Variants in APBB1IP observed in about 807,000 individuals in gnomAD.
APBB1IP encodes the protein amyloid beta precursor protein binding family B member 1 interacting protein.
A neutral mutation model predicts 64.9 loss-of-function variants in APBB1IP; 27 were observed. The ratio of observed to expected loss-of-function variants is 0.42; its 90% CI spans 0.31 to 0.57. APBB1IP has a LOEUF of 0.57. Ranked by LOEUF, APBB1IP falls within the 20% of genes least tolerant of loss-of-function variation. The probability of loss-of-function intolerance (pLI) is 0.20; values close to 1 mark genes in which losing one functional copy is unlikely to be tolerated. For missense variants in APBB1IP, 812 were observed against 845.5 expected (o/e 0.96, Z 0.49); for synonymous variants, 392 against 331.0 (o/e 1.18, Z -2.00).
At chr10:26,472,673 A>C (rs570953430) in intron 2 of APBB1IP, among the ~76,000 whole-genome samples, 13 of 152,188 alleles carry the variant, frequency 8.5e-5, no homozygotes, top group Non-Finnish European at 1.8e-4. Context: ...AGTCAAGATC[A>C]CATGTATAAT....
Position 26,496,555 on chromosome 10 carries a change from T to C in APBB1IP, c.160+164T>C, listed in dbSNP as rs899321335. Among the ~76,000 whole-genome samples, 77 of 152,116 alleles carry C rather than the reference T, an allele frequency of 5.1e-4. 1 individual carries two copies. Among genetic ancestry groups the C allele is most frequent in the Admixed American group, 4.8e-3 (73 of 15,268 alleles). ...TGGGTTTTACTGTGTCTAGATTGAA[T>C]TGAGAGAGTCAAGAAGACATTTTCA... On this transcript the variant is annotated intron_variant, in intron 4 of 14. Transcript: ENST00000376236.
chr10:26,492,510 A>T, intron 3 of APBB1IP, 112 bp downstream of exon 3: 5 of 896,378 alleles, frequency 5.6e-6, no homozygotes, highest in Non-Finnish European at 8.7e-6. Flanking sequence ...CGGGGGAACC[A>T]GCCCCCGATA....
At chr10:26,446,895 G>GATAGATAGATAGAA (rs1564346891) in intron 2 of APBB1IP, among the ~76,000 whole-genome samples, 1 of 93,902 alleles carries the variant, frequency 1.1e-5, no homozygotes, top group Non-Finnish European at 2.0e-5. Flanking sequence ...GATAGAAATA[G>GATAGATAGATAGAA]ATAGATATGG....
intron 8 of APBB1IP, among the ~76,000 whole-genome samples, chr10:26,528,279 A>G (rs899122824): frequency 6.6e-6 from 1 of 152,198 alleles, no homozygotes; most frequent in Non-Finnish European, 1.5e-5. Context: ...ATCTTCACTC[A>G]GTGAACTGCA....
intron 6 of APBB1IP, among the ~76,000 whole-genome samples, chr10:26,503,489 G>C (rs753169580): frequency 2.1e-4 from 32 of 152,102 alleles, no homozygotes; most frequent in Non-Finnish European, 3.5e-4. Context: ...CAAAAAATTA[G>C]CTGGGCGTGG....
chr10:26,461,528 T>A (rs1835592213), intron 2 of APBB1IP, among the ~76,000 whole-genome samples: 1 of 151,958 alleles, frequency 6.6e-6, no homozygotes, highest in African/African-American at 2.4e-5. Context: ...TACTTAGGAA[T>A]AATCTTTTTT....
chr10:26,553,488 C>T (rs1005733074), intron 11 of APBB1IP, among the ~76,000 whole-genome samples: 1 of 152,040 alleles, frequency 6.6e-6, no homozygotes, highest in Non-Finnish European at 1.5e-5. Context: ...CTCGTCTCTA[C>T]AAAAAATTTA....
chr10:26,533,432 T>A lies in APBB1IP; in HGVS notation c.814-7T>A. 6.4e-7 allele frequency: 1 copy of A among 1,550,814 alleles called. No homozygotes were observed. The highest frequency in any genetic ancestry group is 8.8e-7 in the Non-Finnish European group (1 of 1,130,994). Reference sequence around the variant, plus strand: ...TTACTGATCTGATCTTTTAACATTTTATTTAGAATTTCTACTTGGATAACA... The same window carrying A: ...TTACTGATCTGATCTTTTAACATTTAATTTAGAATTTCTACTTGGATAACA... On this transcript the variant is annotated splice_polypyrimidine_tract_variant and splice_region_variant and intron_variant, in intron 8 of 14. Coordinates refer to ENST00000376236, the MANE Select transcript of APBB1IP (RefSeq NM_019043.4).
chr10:26,459,791 A>G (rs1194859903), intron 2 of APBB1IP, among the ~76,000 whole-genome samples: 1 of 152,016 alleles, frequency 6.6e-6, no homozygotes, highest in Non-Finnish European at 1.5e-5. Flanking sequence ...CTCCTTTGAG[A>G]AATTTATTTA....
At chr10:26,455,510 A>G (rs868199258) in intron 2 of APBB1IP, among the ~76,000 whole-genome samples, 5 of 126,058 alleles carry the variant, frequency 4.0e-5, no homozygotes, top group Middle Eastern at 8.3e-3. Context: ...CCTGGGTGAC[A>G]GAACAAAAAA....
intron 2 of APBB1IP, among the ~76,000 whole-genome samples, chr10:26,460,381 T>C (rs1477267706): frequency 6.6e-6 from 1 of 152,172 alleles, no homozygotes; most frequent in Admixed American, 6.6e-5. Context: ...CCTCCTCACA[T>C]TGACTCCCCA....
At chr10:26,458,882 T>C (rs1835557054) in intron 2 of APBB1IP, among the ~76,000 whole-genome samples, 1 of 152,222 alleles carries the variant, frequency 6.6e-6, no homozygotes, top group Non-Finnish European at 1.5e-5. Context: ...TGAATTTGAC[T>C]TTAATTAAAT....
chr10:26,566,943 A>G lies in APBB1IP; in HGVS notation c.1474-18A>G. The G allele has an allele frequency of 6.4e-6, 10 of 1,557,926 alleles. No homozygotes were observed. The highest frequency in any genetic ancestry group is 8.6e-6 in the Non-Finnish European group (10 of 1,164,648). ...AAAAATTAAAAAAAAAATGAATGCTACTGCCACTCGGTTGCAGGATAAGAA... is the reference window on the plus strand; with the variant it reads ...AAAAATTAAAAAAAAAATGAATGCTGCTGCCACTCGGTTGCAGGATAAGAA... On this transcript the variant is annotated intron_variant, in intron 14 of 14. Transcript: ENST00000376236.
At position 26,567,501 on chromosome 10, in the gene APBB1IP, T is replaced by A. The variant is rs1837072246; in HGVS notation, c.*13T>A. The A allele has an allele frequency of 6.4e-7, 1 of 1,551,658 alleles. No individual in the cohort carries two copies. Among genetic ancestry groups the A allele is most frequent in the Middle Eastern group, 1.7e-4 (1 of 5,754 alleles). On this transcript the variant is annotated 3_prime_UTR_variant, in exon 15 of 15. Transcript: ENST00000376236. ...CAACGTGTCCTAGGGACGGGCATGA[T>A]GAGTGTTCCAGAGGGAGAAGCATCG... is the stretch of plus-strand genomic sequence containing the variant.
Position 26,567,552 on chromosome 10 carries a change from G to A in APBB1IP, c.*64G>A. ...CTGACCCCGAGCGCAGGTTTTGCTA[G>A]CAGATTGCCCTGACATCTTGTTCAT... On this transcript the variant is annotated 3_prime_UTR_variant, in exon 15 of 15. Coordinates refer to ENST00000376236, the MANE Select transcript of APBB1IP (RefSeq NM_019043.4). The A allele has an allele frequency of 6.7e-7, 1 of 1,499,806 alleles. No homozygotes were observed. Among genetic ancestry groups the A allele is most frequent in the Non-Finnish European group, 9.0e-7 (1 of 1,107,154 alleles). The allele number at this position is 1,499,806 out of a possible 1,614,324, so 92.9% of individuals were successfully genotyped here. A position where few individuals can be genotyped will look rare whatever the true frequency, so the allele number is the denominator to read the frequency against.
At chr10:26,562,506 A>T in intron 14 of APBB1IP, 77 bp downstream of exon 14, 1 of 1,312,306 alleles carries the variant, frequency 7.6e-7, no homozygotes, top group Admixed American at 1.7e-5. Context: ...GCTCTTTTAA[A>T]AAGAGAAAAT....
At position 26,567,438 on chromosome 10, in the gene APBB1IP, A is replaced by G. The variant is rs1564381575; in HGVS notation, c.1951A>G (p.Met651Val). The G allele has an allele frequency of 6.2e-7, 1 of 1,607,014 alleles. No individual in the cohort carries two copies. Among genetic ancestry groups the G allele is most frequent in the Non-Finnish European group, 8.5e-7 (1 of 1,175,288 alleles). ...AGCAGGAGGCGGGGAGCAAGATTTC[A>G]TGTCAGACCTCATGAAAGCTTTGCA... ...GGAGGGEQDFMSDLMKALQKK... is the reference protein window; with the variant it reads ...GGAGGGEQDFVSDLMKALQKK... Residue 651 changes from methionine to valine, a missense_variant, in exon 15 of 15, where the codon ATG becomes GTG. By Grantham distance (21) the Met-to-Val change is conservative. Around this residue, in one of 3 missense-constraint regions of APBB1IP, gnomAD observed 381 missense variants for 352.1 expected, o/e 1.08. Coordinates refer to ENST00000376236, the MANE Select transcript of APBB1IP (RefSeq NM_019043.4).
At chr10:26,470,903 T>C (rs929980565) in intron 2 of APBB1IP, among the ~76,000 whole-genome samples, 2 of 152,124 alleles carry the variant, frequency 1.3e-5, no homozygotes, top group Non-Finnish European at 2.9e-5. Context: ...TTGCCCATCA[T>C]CTGTCCAGGC....
intron 2 of APBB1IP, among the ~76,000 whole-genome samples, chr10:26,445,129 AAAGAAAGAAAGAAAG>A (rs752978113): frequency 0.11 from 7,427 of 68,866 alleles, 341 homozygotes; most frequent in African/African-American, 0.14. Flanking sequence ...GAAAGAAAGA[AAAGAAAGAAAGAAAG>A]AAAGAAAGAA....
Sources: gnomAD v4.1 joint callset for allele counts (sites outside exome capture counted in the v4.1 genomes callset) on GRCh38, gnomAD v4.1.1 for gene constraint, gnomAD v4.1.1 regional missense constraint, MANE v1.5 for transcripts, NCBI Gene and HGNC (gene_info 2026-07-23, HGNC 2026-07-21) for gene names.